The following AFF2 variants were observed in gnomAD, a reference collection of about 807,000 sequenced individuals.
AFF2 encodes ALF transcription elongation factor 2.
In AFF2, 14 loss-of-function variants were observed where a neutral mutation model predicts 76.9. That is an observed-to-expected ratio of 0.18 (90% CI 0.12 to 0.28). The LOEUF (loss-of-function observed/expected upper bound fraction) is 0.28, where lower values mean the gene tolerates loss of function less well. Among genes scored for constraint, AFF2 ranks in the 10% least tolerant of loss-of-function variants. The pLI, the probability that AFF2 is intolerant of heterozygous loss-of-function variation, is 1.00. For synonymous variants in AFF2, 398 were observed against 366.7 expected, an observed-to-expected ratio of 1.09 and a Z score of -0.98; for missense variants, 868 against 1,001.1, an observed-to-expected ratio of 0.87 and a Z score of 1.79.
chrX:148,967,831 G>T, intron 15 of AFF2, 139 bp downstream of exon 15: 1 of 490,158 alleles, frequency 2.0e-6, no homozygotes, highest in Non-Finnish European at 3.4e-6. Flanking sequence ...CCTGACATAG[G>T]GAGATTTGAA....
intron 3 of AFF2, among the ~76,000 whole-genome samples, chrX:148,794,357 T>C: frequency 8.9e-6 from 1 of 111,738 alleles, no homozygotes; most frequent in Non-Finnish European, 1.9e-5. Flanking sequence ...GGGAGGACAA[T>C]TTTGAGGGCA....
intron 3 of AFF2, among the ~76,000 whole-genome samples, chrX:148,792,384 C>T (rs1415965767): frequency 4.4e-5 from 5 of 112,509 alleles, no homozygotes; most frequent in South Asian, 3.6e-4. Context: ...ACTCAGGAGG[C>T]GGAGATTGCA....
At chrX:148,937,830 G>T (rs1603343629) in intron 9 of AFF2, among the ~76,000 whole-genome samples, 1 of 112,064 alleles carries the variant, frequency 8.9e-6, no homozygotes, top group Non-Finnish European at 1.9e-5. Context: ...TTCATAATTG[G>T]ATTCAAAAGC....
chrX:148,725,986 T>A (rs1237618822), intron 3 of AFF2, among the ~76,000 whole-genome samples: 3 of 111,664 alleles, frequency 2.7e-5, no homozygotes, highest in African/African-American at 9.8e-5. Flanking sequence ...GTGGCGATTG[T>A]TTAGGGGTTT....
chrX:148,643,999 T>G (rs1557255069), intron 1 of AFF2, among the ~76,000 whole-genome samples: 1 of 111,561 alleles, frequency 9.0e-6, no homozygotes, highest in African/African-American at 3.3e-5. Flanking sequence ...TCATGGTCAT[T>G]CTATATAAAA....
rs1412269198 is a variant in AFF2 at position 148,765,700 on chromosome X, T to A, written c.1042-44176T>A. On this transcript the variant is annotated intron_variant, in intron 3 of 20. Transcript: ENST00000370460. ...TCTTTATTTATTTATTTATTTATTT[T>A]TATTTTATTTATTGTTATTATACTT... Among the ~76,000 whole-genome samples the A allele has an allele frequency of 1.7e-4, 19 of 110,214 alleles. No homozygotes were observed. In the Admixed American group the frequency reaches 1.8e-3, roughly 11 times the overall value.
At chrX:148,759,941 G>C (rs782085099) in intron 3 of AFF2, among the ~76,000 whole-genome samples, 5 of 111,746 alleles carry the variant, frequency 4.5e-5, no homozygotes, top group African/African-American at 6.5e-5. Flanking sequence ...CAACTTTTTA[G>C]GCACATTGTG....
intron 1 of AFF2, among the ~76,000 whole-genome samples, chrX:148,580,717 T>TTA (rs782119702): frequency 0.012 from 1,033 of 85,971 alleles, 8 homozygotes; most frequent in African/African-American, 0.032. Flanking sequence ...CATAACAGTT[T>TTA]TATATATATA....
intron 1 of AFF2, among the ~76,000 whole-genome samples, chrX:148,600,635 A>G (rs1405986586): frequency 8.9e-6 from 1 of 111,844 alleles, no homozygotes; most frequent in African/African-American, 3.3e-5. Flanking sequence ...GCAGCTCACC[A>G]TACAAAAGAT....
At chrX:148,833,028 T>G (rs996357121) in intron 4 of AFF2, among the ~76,000 whole-genome samples, 1 of 111,743 alleles carries the variant, frequency 8.9e-6, no homozygotes, top group African/African-American at 3.3e-5. Flanking sequence ...TTAATATTTA[T>G]GCTTAACCTA....
At chrX:148,919,218 C>A (rs891117347) in intron 9 of AFF2, among the ~76,000 whole-genome samples, 2 of 111,529 alleles carry the variant, frequency 1.8e-5, no homozygotes, top group Non-Finnish European at 3.8e-5. Flanking sequence ...ATATAGGTGG[C>A]ATATGGCTTA....
intron 3 of AFF2, among the ~76,000 whole-genome samples, chrX:148,734,239 C>T (rs938159503): frequency 9.0e-6 from 1 of 111,099 alleles, no homozygotes; most frequent in South Asian, 3.8e-4. Flanking sequence ...ATGCAGTAGC[C>T]GGCGAGGACT....
intron 3 of AFF2, among the ~76,000 whole-genome samples, chrX:148,743,688 CA>C (rs782434510): frequency 1.5e-3 from 163 of 111,270 alleles, no homozygotes; most frequent in African/African-American, 5.0e-3. Flanking sequence ...CCCCCAGTGA[CA>C]AAGAACATTG....
rs2053406689 is a variant in AFF2, at chrX:148,581,568, G to GTATACGTATACATGTACACACATA, written c.48-70420_48-70419insATGTACACACATATATACGTATAC. ...CGTCTACGTGTACACACATATATAC[G>GTATACGTATACATGTACACACATA]TATACGTATACGTGTACACACATAT... On this transcript the variant is annotated intron_variant, in intron 1 of 20. Coordinates refer to ENST00000370460, the MANE Select transcript of AFF2 (RefSeq NM_002025.4). Among the ~76,000 whole-genome samples the GTATACGTATACATGTACACACATA allele has an allele frequency of 4.4e-5, 2 of 45,458 alleles. 1 individual carries two copies. The highest frequency in any genetic ancestry group is 1.7e-4 in the African/African-American group (2 of 11,609). The allele number at this position is 45,458 out of a possible 115,157, so 39.5% of individuals were successfully genotyped here.
At chrX:148,524,982 G>A in intron 1 of AFF2, among the ~76,000 whole-genome samples, 1 of 112,356 alleles carries the variant, frequency 8.9e-6, no homozygotes, top group Non-Finnish European at 1.9e-5. Flanking sequence ...TTTTTGGAAT[G>A]TAAATTAACT....
chrX:148,692,610 T>A (rs2054665224), intron 3 of AFF2, among the ~76,000 whole-genome samples: 1 of 112,459 alleles, frequency 8.9e-6, no homozygotes. Context: ...GTACTATTCA[T>A]TTCTGGCAAG....
chrX:148,845,405 G>A (rs60813715), intron 7 of AFF2, among the ~76,000 whole-genome samples: 3 of 111,530 alleles, frequency 2.7e-5, no homozygotes, highest in South Asian at 3.7e-4. Context: ...GTAATATATA[G>A]TGTAGCCAAT....
intron 1 of AFF2, among the ~76,000 whole-genome samples, chrX:148,650,967 C>T (rs937452695): frequency 8.9e-6 from 1 of 111,939 alleles, no homozygotes; most frequent in Non-Finnish European, 1.9e-5. Context: ...ACCTGCTAGG[C>T]ATTTTATGTA....
chrX:148,560,436 G>T (rs782591751), intron 1 of AFF2, among the ~76,000 whole-genome samples: 334 of 112,019 alleles, frequency 3.0e-3, no homozygotes, highest in Middle Eastern at 0.014. Context: ...AACCCTAGAA[G>T]AAAACCTAGG....
Sources: gnomAD v4.1 joint callset for allele counts (sites outside exome capture counted in the v4.1 genomes callset) on GRCh38, gnomAD v4.1.1 for gene constraint, MANE v1.5 for transcripts, NCBI Gene and HGNC (gene_info 2026-07-23, HGNC 2026-07-21) for gene names.